MCUB: variants seen among roughly 807,000 people sequenced by gnomAD.
MCUB encodes calcium uniporter regulatory subunit MCUb, mitochondrial.
MCUB carries 46 observed loss-of-function variants against 41.4 expected under a neutral mutation model. The observed-to-expected ratio is 1.11, with a 90% CI of 0.88 to 1.42. The LOEUF (loss-of-function observed/expected upper bound fraction) is 1.42, where lower values mean the gene tolerates loss of function less well. MCUB is among the 40% of genes most tolerant of loss of function. The pLI, the probability that MCUB is intolerant of heterozygous loss-of-function variation, is 0.00. For synonymous variants in MCUB, 148 were observed against 148.2 expected (o/e 1.00, Z 0.01); for missense variants, 403 against 404.9 (o/e 1.00, Z 0.04).
At chr4:109,574,346 A>G (rs1352947443) in intron 1 of MCUB, among the ~76,000 whole-genome samples, 1 of 152,172 alleles carries the variant, frequency 6.6e-6, no homozygotes, top group African/African-American at 2.4e-5. Flanking sequence ...TTTTGTATCC[A>G]TTCTGGCTGT....
At chr4:109,647,528 G>A (rs945396587) in intron 1 of MCUB, among the ~76,000 whole-genome samples, 1 of 151,574 alleles carries the variant, frequency 6.6e-6, no homozygotes, top group African/African-American at 2.4e-5. Context: ...TTTCGTTTTA[G>A]TGCTGAATAA....
intron 4 of MCUB, among the ~76,000 whole-genome samples, chr4:109,667,670 A>G (rs1729372787): frequency 6.7e-6 from 1 of 150,046 alleles, no homozygotes; most frequent in African/African-American, 2.4e-5. Flanking sequence ...ATTCTACTAT[A>G]TTTATTATCT....
intron 4 of MCUB, 78 bp from the exon 5 acceptor site, chr4:109,682,504 G>A: frequency 8.6e-7 from 1 of 1,163,770 alleles, no homozygotes. Flanking sequence ...TTTGGAAAGA[G>A]AATTGGGGAC....
intron 1 of MCUB, among the ~76,000 whole-genome samples, chr4:109,629,239 C>T (rs892041142): frequency 2.0e-5 from 3 of 152,064 alleles, no homozygotes; most frequent in African/African-American, 7.2e-5. Context: ...TGGGTTCAAG[C>T]GATTCTCTTC....
intron 1 of MCUB, among the ~76,000 whole-genome samples, chr4:109,632,606 C>G (rs1211062641): frequency 7.7e-6 from 1 of 129,888 alleles, no homozygotes; most frequent in African/African-American, 2.9e-5. Context: ...TTTATGTCTT[C>G]TGTCATTGCT....
At chr4:109,604,127 G>C (rs1727815520) in intron 1 of MCUB, among the ~76,000 whole-genome samples, 1 of 151,780 alleles carries the variant, frequency 6.6e-6, no homozygotes, top group Non-Finnish European at 1.5e-5. Flanking sequence ...TGTCCACTCA[G>C]GGTTAAATGG....
intron 1 of MCUB, among the ~76,000 whole-genome samples, chr4:109,579,283 C>T (rs532049272): frequency 6.6e-6 from 1 of 151,458 alleles, no homozygotes; most frequent in East Asian, 1.9e-4. Context: ...CGGAGTCTCG[C>T]TCTGTCACCA....
Position 109,687,581 on chromosome 4 carries a change from GA to G in MCUB, c.1004del (p.Lys335ArgfsTer17). The G allele has an allele frequency of 6.2e-7, 1 of 1,604,696 alleles. No individual in the cohort carries two copies. The highest frequency in any genetic ancestry group is 8.5e-7 in the Non-Finnish European group (1 of 1,172,034). On this transcript the variant is annotated frameshift_variant, in exon 8 of 8. Coordinates refer to ENST00000394650, the MANE Select transcript of MCUB (RefSeq NM_017918.5). LOFTEE classifies it high-confidence loss of function. ...CLQMQVEELN[E>X]KN ...GCAAATGCAAGTAGAAGAACTCAAT[GA>G]AAAGAATTAATCTTACAGTTTTAAA... is the stretch of plus-strand genomic sequence containing the variant.
chr4:109,573,020 T>C (rs912340287), intron 1 of MCUB, among the ~76,000 whole-genome samples: 7 of 152,224 alleles, frequency 4.6e-5, no homozygotes, highest in Admixed American at 3.9e-4. Flanking sequence ...AAACTGTACC[T>C]GTGCCCAGCA....
rs70954166 is a variant in MCUB at position 109,573,867 on chromosome 4, ATT to A, written c.99+13453_99+13454del. Among the ~76,000 whole-genome samples, 610 of 112,480 alleles carry A rather than the reference ATT, an allele frequency of 5.4e-3. 1 individual carries two copies. The highest frequency in any genetic ancestry group is 0.013 in the Admixed American group (135 of 10,378). 73.8% of individuals were successfully genotyped at this position (112,480 alleles called of 152,430 possible). ...TGTAGGAGATGATTAAAAGGGTTGAATTTTTTTTTTTTTTTTTTTTTTTGAGA... is the reference window on the plus strand; with the variant it reads ...TGTAGGAGATGATTAAAAGGGTTGAATTTTTTTTTTTTTTTTTTTTTGAGA... On this transcript the variant is annotated intron_variant, in intron 1 of 7. Transcript: ENST00000394650.
chr4:109,576,519 T>A (rs1727033074), intron 1 of MCUB, among the ~76,000 whole-genome samples: 1 of 27,986 alleles, frequency 3.6e-5, no homozygotes, highest in Non-Finnish European at 9.6e-5. Flanking sequence ...AACATTTGCC[T>A]TTTTTTTTTT....
chr4:109,642,636 G>A (rs1473433139), intron 1 of MCUB, among the ~76,000 whole-genome samples: 1 of 151,754 alleles, frequency 6.6e-6, no homozygotes, highest in Non-Finnish European at 1.5e-5. Context: ...TTTCCTTTTT[G>A]AATCAGGCTG....
chr4:109,630,163 A>G (rs1292312676), intron 1 of MCUB, among the ~76,000 whole-genome samples: 1 of 152,172 alleles, frequency 6.6e-6, no homozygotes, highest in East Asian at 1.9e-4. Context: ...TTTTTATCAG[A>G]TTAAAAAAGA....
intron 1 of MCUB, among the ~76,000 whole-genome samples, chr4:109,602,433 T>C (rs188808432): frequency 8.3e-4 from 126 of 152,352 alleles, no homozygotes; most frequent in African/African-American, 2.8e-3. Flanking sequence ...TGCATATAAA[T>C]ATCCAGTTTC....
intron 1 of MCUB, among the ~76,000 whole-genome samples, chr4:109,604,121 C>A (rs1436566880): frequency 9.2e-5 from 14 of 151,922 alleles, no homozygotes; most frequent in African/African-American, 2.7e-4. Flanking sequence ...GTGCTGTGTC[C>A]ACTCAGGGTT....
intron 1 of MCUB, among the ~76,000 whole-genome samples, chr4:109,590,633 G>A (rs1727414805): frequency 6.6e-6 from 1 of 152,138 alleles, no homozygotes; most frequent in Non-Finnish European, 1.5e-5. Flanking sequence ...TAGCTGGTAA[G>A]TTTTACTTAC....
chr4:109,646,317 G>A (rs10032323), intron 1 of MCUB, among the ~76,000 whole-genome samples: 72,215 of 151,850 alleles, frequency 0.48, 17,810 homozygotes, highest in African/African-American at 0.6. Flanking sequence ...CCTCTTCCCC[G>A]TGCAGTAACT....
chr4:109,566,280 T>C (rs530763761), intron 1 of MCUB, among the ~76,000 whole-genome samples: 52 of 151,630 alleles, frequency 3.4e-4, no homozygotes, highest in East Asian at 1.4e-3. Flanking sequence ...CTATCCTGGC[T>C]AACACGGTGA....
At chr4:109,627,556 C>A (rs1335608132) in intron 1 of MCUB, among the ~76,000 whole-genome samples, 2 of 152,170 alleles carry the variant, frequency 1.3e-5, no homozygotes, top group Non-Finnish European at 2.9e-5. Flanking sequence ...TTCATGAGTG[C>A]TTGCCATGTG....
Sources: gnomAD v4.1 joint callset for allele counts (sites outside exome capture counted in the v4.1 genomes callset) on GRCh38, gnomAD v4.1.1 for gene constraint, MANE v1.5 for transcripts, NCBI Gene and HGNC (gene_info 2026-07-23, HGNC 2026-07-21) for gene names.